Variants in NAV3 observed in about 807,000 individuals in gnomAD.
NAV3 encodes neuron navigator 3, also known as pore membrane and/or filament interacting like protein 1.
NAV3 carries 87 observed loss-of-function variants against 244.7 expected under a neutral mutation model. That is an observed-to-expected ratio of 0.36 (90% CI 0.30 to 0.42). The LOEUF (loss-of-function observed/expected upper bound fraction) is 0.42. NAV3 is among the 20% of genes least tolerant of loss of function. The pLI, the probability that NAV3 is intolerant of heterozygous loss-of-function variation, is 1.00. For synonymous variants in NAV3, 1,126 were observed against 1,042.2 expected, an observed-to-expected ratio of 1.08 and a Z score of -1.55; for missense variants, 2,663 against 2,893.3, an observed-to-expected ratio of 0.92 and a Z score of 1.83.
intron 2 of NAV3, among the ~76,000 whole-genome samples, chr12:77,629,068 T>C (rs2136909586): frequency 6.6e-6 from 1 of 152,318 alleles, no homozygotes; most frequent in East Asian, 1.9e-4. Flanking sequence ...TTGCAAAATA[T>C]TAAGAATGTC....
rs1261612119 is a variant in NAV3 at position 78,156,621 on chromosome 12, T to C, written c.4786-2582T>C. Among the ~76,000 whole-genome samples, 3 of 152,136 alleles carry C rather than the reference T, an allele frequency of 2.0e-5. No homozygotes were observed. In the East Asian group the frequency reaches 5.8e-4, roughly 29 times the overall value. ...CATAGTAGAATGATTAAACCTTACA[T>C]TTCTCCACTATAAGGAGAATTAAAA... is the stretch of plus-strand genomic sequence containing the variant. On this transcript the variant is annotated intron_variant, in intron 22 of 39. Transcript: ENST00000397909.
intron 2 of NAV3, among the ~76,000 whole-genome samples, chr12:77,670,092 A>G (rs1339798188): frequency 6.6e-6 from 1 of 152,142 alleles, no homozygotes; most frequent in African/African-American, 2.4e-5. Context: ...AATAAGCTCA[A>G]TGGGAAACAA....
At chr12:78,130,818 G>T (rs373084697) in intron 18 of NAV3, 1 of 177,084 alleles carries the variant, frequency 5.6e-6, no homozygotes. Flanking sequence ...CCTTTGCTTT[G>T]AAACTCATTG....
chr12:77,975,594 G>A (rs1565978058), intron 5 of NAV3, among the ~76,000 whole-genome samples: 1 of 152,212 alleles, frequency 6.6e-6, no homozygotes, highest in African/African-American at 2.4e-5. Flanking sequence ...TCTCAGGGCA[G>A]TGTTTCAGGC....
At chr12:78,081,355 G>C (rs1953342449) in intron 12 of NAV3, among the ~76,000 whole-genome samples, 1 of 152,166 alleles carries the variant, frequency 6.6e-6, no homozygotes, top group South Asian at 2.1e-4. Flanking sequence ...GTACCGTAAA[G>C]CTCATGGAGA....
At chr12:77,705,154 C>T (rs1361742896) in intron 2 of NAV3, among the ~76,000 whole-genome samples, 2 of 152,166 alleles carry the variant, frequency 1.3e-5, no homozygotes, top group East Asian at 3.9e-4. Context: ...TGCAGTGGCT[C>T]ATGCCTGTAA....
intron 2 of NAV3, among the ~76,000 whole-genome samples, chr12:77,813,910 A>T (rs746866411): frequency 1.7e-4 from 26 of 152,196 alleles, no homozygotes; most frequent in Non-Finnish European, 3.7e-4. Flanking sequence ...AGCGATTTTT[A>T]AAAGTAAACC....
At chr12:77,808,097 A>ATTGG (rs1872079347) in intron 2 of NAV3, among the ~76,000 whole-genome samples, 3 of 152,146 alleles carry the variant, frequency 2.0e-5, no homozygotes, top group African/African-American at 7.2e-5. Flanking sequence ...CAAGGTTCTT[A>ATTGG]GCTTCCTTGC....
intron 1 of NAV3, among the ~76,000 whole-genome samples, chr12:77,857,891 G>A (rs7313714): frequency 2.0e-5 from 3 of 151,640 alleles, no homozygotes; most frequent in Admixed American, 6.6e-5. Flanking sequence ...GAGTTGATGA[G>A]TTTTATTGTT....
At chr12:77,818,167 A>G (rs947371224) in intron 2 of NAV3, among the ~76,000 whole-genome samples, 2 of 152,186 alleles carry the variant, frequency 1.3e-5, no homozygotes, top group African/African-American at 4.8e-5. Flanking sequence ...TAATTTAACC[A>G]ATACTTAGTA....
chr12:78,161,681 A>C (rs1037370039), intron 23 of NAV3, among the ~76,000 whole-genome samples: 14 of 152,134 alleles, frequency 9.2e-5, no homozygotes, highest in African/African-American at 3.4e-4. Context: ...AGAATGTCTC[A>C]TATTGTCCTT....
At chr12:78,154,265 T>G (rs1442198561) in intron 22 of NAV3, among the ~76,000 whole-genome samples, 1 of 93,214 alleles carries the variant, frequency 1.1e-5, no homozygotes, top group Non-Finnish European at 2.3e-5. Context: ...ATATAATATA[T>G]AGTATATATT....
At chr12:78,063,522 T>C (rs1020426695) in intron 12 of NAV3, among the ~76,000 whole-genome samples, 5 of 152,136 alleles carry the variant, frequency 3.3e-5, no homozygotes, top group African/African-American at 1.2e-4. Context: ...TAAGTGCCTG[T>C]CATCATAGTA....
chr12:77,699,402 C>T (rs1875461385), intron 2 of NAV3, among the ~76,000 whole-genome samples: 1 of 152,102 alleles, frequency 6.6e-6, no homozygotes, highest in African/African-American at 2.4e-5. Context: ...AAACAAACCA[C>T]CTGAAATGTA....
chr12:78,005,262 AC>A (rs1179650156), intron 7 of NAV3, among the ~76,000 whole-genome samples: 1 of 152,182 alleles, frequency 6.6e-6, no homozygotes, highest in Non-Finnish European at 1.5e-5. Context: ...TTTGAAGCAA[AC>A]TGCTAAACAT....
At chr12:77,922,137 A>G (rs1263709441) in intron 1 of NAV3, among the ~76,000 whole-genome samples, 6 of 152,126 alleles carry the variant, frequency 3.9e-5, no homozygotes, top group Non-Finnish European at 7.4e-5. Flanking sequence ...CAGCCCTGAA[A>G]ACACTTCAAT....
chr12:78,121,810 A>G (rs1457531936), intron 15 of NAV3, 130 bp from the exon 16 acceptor site: 1 of 1,179,108 alleles, frequency 8.5e-7, no homozygotes. Context: ...GTTCATTAAC[A>G]TAGAGACAGG....
intron 2 of NAV3, among the ~76,000 whole-genome samples, chr12:77,728,906 C>A (rs1005072288): frequency 1.3e-5 from 2 of 151,880 alleles, no homozygotes; most frequent in African/African-American, 4.8e-5. Flanking sequence ...AATCCCTACT[C>A]ATCCTCCTCC....
chr12:78,170,343 C>A (rs1010605094), intron 24 of NAV3, among the ~76,000 whole-genome samples: 1 of 151,668 alleles, frequency 6.6e-6, no homozygotes, highest in African/African-American at 2.4e-5. Context: ...TACCAAGATC[C>A]GTTGATCCCA....
Sources: allele counts gnomAD v4.1 joint callset (sites outside exome capture counted in the v4.1 genomes callset), GRCh38; gene constraint gnomAD v4.1.1; transcripts MANE v1.5; gene names NCBI Gene and HGNC (gene_info 2026-07-23, HGNC 2026-07-21).